The following HHAT variants were observed in gnomAD, a reference collection of about 807,000 sequenced individuals.
HHAT encodes hedgehog acyltransferase.
Under a neutral mutation model 70.8 loss-of-function variants are expected in HHAT, and 47 were observed. The observed-to-expected ratio is 0.66, with a 90% CI of 0.53 to 0.85. HHAT has a LOEUF of 0.85. Among genes scored for constraint, HHAT ranks in the 40% least tolerant of loss-of-function variants. The probability of loss-of-function intolerance (pLI) is 0.00; values close to 1 mark genes in which losing one functional copy is unlikely to be tolerated. For missense variants in HHAT, 609 were observed against 604.8 expected (o/e 1.01, Z -0.07); for synonymous variants, 228 against 247.6 (o/e 0.92, Z 0.74).
intron 8 of HHAT, among the ~76,000 whole-genome samples, chr1:210,505,304 TA>T (rs2094834095): frequency 6.6e-6 from 1 of 152,186 alleles, no homozygotes. Flanking sequence ...TCAGGAAGCC[TA>T]TTCTAAGAAT....
intron 1 of HHAT, among the ~76,000 whole-genome samples, chr1:210,346,918 C>T (rs1246222182): frequency 3.9e-5 from 6 of 152,144 alleles, no homozygotes; most frequent in South Asian, 2.1e-4. Flanking sequence ...CATATTTAGA[C>T]AAAAATTGTA....
At chr1:210,601,765 C>G (rs891575443) in intron 10 of HHAT, among the ~76,000 whole-genome samples, 3 of 152,120 alleles carry the variant, frequency 2.0e-5, no homozygotes, top group African/African-American at 7.2e-5. Flanking sequence ...GGGAGCTTCT[C>G]TCTATGAAGA....
At chr1:210,365,248 A>G (rs2088797436) in intron 3 of HHAT, among the ~76,000 whole-genome samples, 2 of 150,256 alleles carry the variant, frequency 1.3e-5, no homozygotes, top group Non-Finnish European at 3.0e-5. Flanking sequence ...TAGTTTTCTG[A>G]CCAGCCCATC....
chr1:210,563,644 C>T (rs1220526551), intron 9 of HHAT, among the ~76,000 whole-genome samples: 1 of 152,108 alleles, frequency 6.6e-6, no homozygotes, highest in Non-Finnish European at 1.5e-5. Flanking sequence ...TATGACAGAT[C>T]CAACTCTCAG....
intron 1 of HHAT, among the ~76,000 whole-genome samples, chr1:210,335,703 G>A (rs961123589): frequency 6.6e-6 from 1 of 152,066 alleles, no homozygotes; most frequent in African/African-American, 2.4e-5. Context: ...AATGACACTG[G>A]GTCGATTGAC....
chr1:210,583,980 TCTCA>T (rs1245538949), intron 9 of HHAT, among the ~76,000 whole-genome samples: 6 of 107,992 alleles, frequency 5.6e-5, no homozygotes, highest in African/African-American at 2.0e-4. Flanking sequence ...TGTGATGGAG[TCTCA>T]CTCTGTTGCC....
chr1:210,407,485 A>C (rs1369830248), intron 6 of HHAT, among the ~76,000 whole-genome samples: 2 of 152,236 alleles, frequency 1.3e-5, no homozygotes, highest in Admixed American at 6.5e-5. Context: ...AGATCAAATG[A>C]CAATGTTAGT....
chr1:210,607,203 T>C (rs4245754), intron 10 of HHAT, among the ~76,000 whole-genome samples: 123,055 of 152,040 alleles, frequency 0.81, 51,991 homozygotes, highest in East Asian at 0.99. Flanking sequence ...TTCATCTCTT[T>C]AGCATCTAGT....
At chr1:210,329,781 C>G (rs544865791) in intron 1 of HHAT, among the ~76,000 whole-genome samples, 1 of 152,186 alleles carries the variant, frequency 6.6e-6, no homozygotes, top group Non-Finnish European at 1.5e-5. Flanking sequence ...GAGTTTCGCT[C>G]TGGTCGCCCA....
intron 8 of HHAT, among the ~76,000 whole-genome samples, chr1:210,509,478 T>C (rs2094917842): frequency 6.6e-6 from 1 of 152,200 alleles, no homozygotes. Context: ...TAATGGAGAC[T>C]GTCTGGGCTC....
chr1:210,362,805 G>C (rs577189471), intron 2 of HHAT, 47 bp from the exon 3 acceptor site: 35 of 1,521,448 alleles, frequency 2.3e-5, no homozygotes, highest in Non-Finnish European at 2.7e-5. Context: ...AGCCAGCCCA[G>C]TTTTGTTTAG....
intron 10 of HHAT, among the ~76,000 whole-genome samples, chr1:210,622,418 C>A (rs2148871486): frequency 6.6e-6 from 1 of 152,236 alleles, no homozygotes; most frequent in Admixed American, 6.5e-5. Flanking sequence ...TTGGGGTGGT[C>A]CCCGTGCATG....
chr1:210,520,124 T>A (rs2095132181), intron 9 of HHAT, among the ~76,000 whole-genome samples: 1 of 152,164 alleles, frequency 6.6e-6, no homozygotes, highest in African/African-American at 2.4e-5. Flanking sequence ...CAAGTGATTC[T>A]CCTGCCTCAG....
chr1:210,628,558 T>G (rs1353241353), intron 11 of HHAT, among the ~76,000 whole-genome samples: 1 of 152,206 alleles, frequency 6.6e-6, no homozygotes, highest in Non-Finnish European at 1.5e-5. Context: ...AAGCTCTGCC[T>G]TAACACTTAG....
intron 10 of HHAT, among the ~76,000 whole-genome samples, chr1:210,592,728 T>C (rs1208604171): frequency 6.6e-6 from 1 of 152,120 alleles, no homozygotes; most frequent in Non-Finnish European, 1.5e-5. Context: ...TTTATAGTTT[T>C]CATTGTGGAG....
intron 6 of HHAT, 117 bp from the exon 7 acceptor site, chr1:210,418,037 A>G: frequency 1.0e-6 from 1 of 961,022 alleles, no homozygotes; most frequent in Non-Finnish European, 1.6e-6. Flanking sequence ...AACCAAACCA[A>G]CCCTCTGTCA....
chr1:210,438,760 C>T (rs550632476), intron 7 of HHAT, among the ~76,000 whole-genome samples: 1 of 151,736 alleles, frequency 6.6e-6, no homozygotes, highest in Non-Finnish European at 1.5e-5. Flanking sequence ...TAAAAATAAC[C>T]GTAGTGGAAA....
chr1:210,350,678 A>T (rs1169417176), intron 2 of HHAT, among the ~76,000 whole-genome samples: 1 of 152,194 alleles, frequency 6.6e-6, no homozygotes, highest in Admixed American at 6.5e-5. Context: ...GATTTTCTAC[A>T]TAGGTAATCA....
At chr1:210,357,811 C>T (rs2087811564) in intron 2 of HHAT, among the ~76,000 whole-genome samples, 1 of 152,198 alleles carries the variant, frequency 6.6e-6, no homozygotes, top group South Asian at 2.1e-4. Flanking sequence ...CAGAGTGAGA[C>T]TCCATCTCAA....
Sources: allele counts gnomAD v4.1 joint callset (sites outside exome capture counted in the v4.1 genomes callset), GRCh38; gene constraint gnomAD v4.1.1; transcripts MANE v1.5; gene names NCBI Gene and HGNC (gene_info 2026-07-23, HGNC 2026-07-21).